The following AGPS variants were observed in gnomAD, a reference collection of about 807,000 sequenced individuals.
AGPS encodes the protein alkylglycerone phosphate synthase.
Under a neutral mutation model 90.7 loss-of-function variants are expected in AGPS, and 26 were observed. The observed-to-expected ratio is 0.29, with a 90% CI of 0.21 to 0.40. The LOEUF is 0.40. AGPS is among the 10% of genes least tolerant of loss of function. The pLI is 1.00. For synonymous variants in AGPS, 294 were observed against 285.3 expected (o/e 1.03, Z -0.31); for missense variants, 540 against 816.1 (o/e 0.66, Z 4.12).
rs554828702 is a variant in AGPS at position 177,502,715 on chromosome 2, G to A, written c.1476-2791G>A. On this transcript the variant is annotated intron_variant, in intron 14 of 19. Coordinates refer to ENST00000264167, the MANE Select transcript of AGPS (RefSeq NM_003659.4). ...CAAAGTGCTGGGGTTACAGGCATGA[G>A]CCACTGCGCCTGGCCTATTTTAAGT... Among the ~76,000 whole-genome samples, 3 of 152,290 alleles carry A rather than the reference G, an allele frequency of 2.0e-5. No individual in the cohort carries two copies. In the East Asian group the frequency reaches 5.8e-4, roughly 29 times the overall value.
intron 10 of AGPS, among the ~76,000 whole-genome samples, chr2:177,473,666 C>T (rs2105682748): frequency 6.6e-6 from 1 of 152,270 alleles, no homozygotes. Flanking sequence ...TCAATAAATA[C>T]ATTAAAACTC....
intron 5 of AGPS, among the ~76,000 whole-genome samples, chr2:177,437,278 A>C: frequency 6.6e-6 from 1 of 152,134 alleles, no homozygotes; most frequent in East Asian, 1.9e-4. Context: ...CATCATTTTA[A>C]ATGTAAATAA....
At chr2:177,411,305 C>T (rs1010103814) in intron 1 of AGPS, among the ~76,000 whole-genome samples, 4 of 152,210 alleles carry the variant, frequency 2.6e-5, no homozygotes, top group African/African-American at 9.7e-5. Flanking sequence ...CAGTGCCTCC[C>T]TTAGTCTCTC....
chr2:177,429,610 A>C (rs1009225672), intron 2 of AGPS, among the ~76,000 whole-genome samples: 9 of 151,954 alleles, frequency 5.9e-5, no homozygotes, highest in African/African-American at 1.9e-4. Flanking sequence ...TCGTGACCCT[A>C]TTTGCCTCAT....
At chr2:177,409,653 TGG>T (rs1559034349) in intron 1 of AGPS, among the ~76,000 whole-genome samples, 1 of 152,114 alleles carries the variant, frequency 6.6e-6, no homozygotes, top group Non-Finnish European at 1.5e-5. Context: ...CCTGCTGAAT[TGG>T]GGGCATAGTA....
intron 19 of AGPS, among the ~76,000 whole-genome samples, chr2:177,532,534 A>G (rs1011515225): frequency 1.3e-5 from 2 of 152,232 alleles, no homozygotes; most frequent in African/African-American, 2.4e-5. Context: ...TGGTACAGCC[A>G]TTCTGGAAAA....
At chr2:177,502,134 T>C (rs1688577768) in intron 14 of AGPS, among the ~76,000 whole-genome samples, 1 of 152,226 alleles carries the variant, frequency 6.6e-6, no homozygotes, top group South Asian at 2.1e-4. Context: ...TTCTAGCAGT[T>C]TTGCTTACTC....
intron 8 of AGPS, among the ~76,000 whole-genome samples, chr2:177,453,967 G>A (rs1183779262): frequency 2.7e-5 from 4 of 145,518 alleles, no homozygotes; most frequent in African/African-American, 7.3e-5. Flanking sequence ...GATTATAGGC[G>A]TGAGCCACTG....
At chr2:177,451,578 C>A (rs1047738714) in intron 8 of AGPS, among the ~76,000 whole-genome samples, 2 of 151,800 alleles carry the variant, frequency 1.3e-5, no homozygotes, top group African/African-American at 4.8e-5. Context: ...TGAAAAGAAG[C>A]GAGACTTGTT....
chr2:177,530,937 T>C (rs2079131620), intron 19 of AGPS, among the ~76,000 whole-genome samples: 2 of 152,224 alleles, frequency 1.3e-5, no homozygotes, highest in Non-Finnish European at 2.9e-5. Context: ...GTTCATTTGC[T>C]AAAATCATAC....
At chr2:177,525,392 G>A (rs916261337) in intron 19 of AGPS, among the ~76,000 whole-genome samples, 3 of 152,070 alleles carry the variant, frequency 2.0e-5, no homozygotes, top group African/African-American at 7.2e-5. Flanking sequence ...TTGATTACAT[G>A]GGACAGAGGA....
intron 10 of AGPS, 100 bp downstream of exon 10, chr2:177,468,624 T>C: frequency 4.8e-6 from 4 of 837,168 alleles, no homozygotes; most frequent in Non-Finnish European, 7.8e-6. Flanking sequence ...AAGACATGTT[T>C]TATATGTTTA....
At chr2:177,439,460 A>C (rs1424666943) in intron 5 of AGPS, among the ~76,000 whole-genome samples, 1 of 152,196 alleles carries the variant, frequency 6.6e-6, no homozygotes, top group Non-Finnish European at 1.5e-5. Flanking sequence ...ATTTTTTAAT[A>C]GACATCTTTG....
At chr2:177,393,197 A>G in intron 1 of AGPS, 148 bp downstream of exon 1, 1 of 1,541,140 alleles carries the variant, frequency 6.5e-7, no homozygotes, top group Non-Finnish European at 8.7e-7. Flanking sequence ...CTCTCTTTCG[A>G]GAGAGTGGAC....
intron 1 of AGPS, among the ~76,000 whole-genome samples, chr2:177,401,380 C>T (rs1047923866): frequency 2.6e-5 from 4 of 152,118 alleles, no homozygotes; most frequent in African/African-American, 4.8e-5. Flanking sequence ...ATTAATTCTG[C>T]AGTCACTCTG....
intron 1 of AGPS, 32 bp downstream of exon 1, chr2:177,393,081 C>T (rs997223154): frequency 1.9e-6 from 3 of 1,550,102 alleles, no homozygotes; most frequent in Non-Finnish European, 2.6e-6. Context: ...GAGTTAGCGT[C>T]GAGGGACCAG....
intron 3 of AGPS, among the ~76,000 whole-genome samples, chr2:177,434,635 T>C (rs1445578509): frequency 6.6e-6 from 1 of 152,168 alleles, no homozygotes; most frequent in East Asian, 1.9e-4. Flanking sequence ...GAGATTTATC[T>C]GGCAAACTTT....
At chr2:177,524,352 A>G (rs963179509) in intron 19 of AGPS, among the ~76,000 whole-genome samples, 3 of 152,210 alleles carry the variant, frequency 2.0e-5, no homozygotes, top group African/African-American at 4.8e-5. Flanking sequence ...CACATCACCA[A>G]TAAAAATTAT....
intron 2 of AGPS, among the ~76,000 whole-genome samples, chr2:177,429,113 T>A (rs1467480528): frequency 6.6e-6 from 1 of 152,186 alleles, no homozygotes; most frequent in African/African-American, 2.4e-5. Flanking sequence ...TATTGATACT[T>A]GTGATTGCAT....
Sources: allele counts gnomAD v4.1 joint callset (sites outside exome capture counted in the v4.1 genomes callset), GRCh38; gene constraint gnomAD v4.1.1; transcripts MANE v1.5; gene names NCBI Gene and HGNC (gene_info 2026-07-23, HGNC 2026-07-21).